NRCAM: variants seen among roughly 807,000 people sequenced by gnomAD.
NRCAM encodes NgCAM-related cell adhesion molecule.
A neutral mutation model predicts 156.5 loss-of-function variants in NRCAM; 83 were observed. The observed-to-expected ratio is 0.53, with a 90% confidence interval of 0.44 to 0.64. The LOEUF is 0.64. NRCAM is among the 30% of genes least tolerant of loss of function. The pLI is 0.00. For synonymous variants in NRCAM, 538 were observed against 563.9 expected, an observed-to-expected ratio of 0.95 and a Z score of 0.65; for missense variants, 1,417 against 1,597.3, an observed-to-expected ratio of 0.89 and a Z score of 1.92.
chr7:108,353,052 TAA>T (rs58322692), intron 2 of NRCAM, among the ~76,000 whole-genome samples: 105 of 143,686 alleles, frequency 7.3e-4, no homozygotes, highest in Middle Eastern at 3.6e-3. Context: ...GTGCTCATTG[TAA>T]AAAAAAAAAA....
At chr7:108,376,613 G>A (rs575312810) in intron 2 of NRCAM, among the ~76,000 whole-genome samples, 3 of 151,998 alleles carry the variant, frequency 2.0e-5, no homozygotes, top group Non-Finnish European at 4.4e-5. Context: ...ACCATGCTGG[G>A]GTATGCCTGC....
chr7:108,278,724 A>AT, intron 3 of NRCAM, among the ~76,000 whole-genome samples: 1 of 152,296 alleles, frequency 6.6e-6, no homozygotes, highest in Non-Finnish European at 1.5e-5. Flanking sequence ...CAGTGAGGCG[A>AT]CACCCCACCC....
intron 3 of NRCAM, among the ~76,000 whole-genome samples, chr7:108,249,710 T>C (rs1428070212): frequency 1.3e-5 from 2 of 152,242 alleles, no homozygotes. Flanking sequence ...TTCTCTGTAC[T>C]GTGAGATTTA....
chr7:108,370,168 T>A (rs1226399103), intron 2 of NRCAM, among the ~76,000 whole-genome samples: 2 of 152,158 alleles, frequency 1.3e-5, no homozygotes, highest in African/African-American at 2.4e-5. Flanking sequence ...AGAGATATGA[T>A]GTAACTGATG....
At chr7:108,235,066 T>C (rs1340045790) in intron 5 of NRCAM, among the ~76,000 whole-genome samples, 1 of 152,188 alleles carries the variant, frequency 6.6e-6, no homozygotes, top group Non-Finnish European at 1.5e-5. Flanking sequence ...TATGATAAAT[T>C]TGCATCTTTC....
At chr7:108,362,481 G>A (rs182538044) in intron 2 of NRCAM, among the ~76,000 whole-genome samples, 25 of 152,324 alleles carry the variant, frequency 1.6e-4, no homozygotes, top group African/African-American at 5.8e-4. Context: ...AAATGAATGA[G>A]CTATCAAGCC....
At chr7:108,447,219 G>A (rs1411643106) in intron 1 of NRCAM, among the ~76,000 whole-genome samples, 1 of 145,940 alleles carries the variant, frequency 6.9e-6, no homozygotes, top group Non-Finnish European at 1.5e-5. Flanking sequence ...TCTTTGATGT[G>A]AACAGTCACC....
chr7:108,257,519 A>G (rs190311036), intron 3 of NRCAM, among the ~76,000 whole-genome samples: 3 of 152,330 alleles, frequency 2.0e-5, no homozygotes, highest in Admixed American at 1.3e-4. Flanking sequence ...CAGAGTATTA[A>G]GCGATACTGA....
chr7:108,223,355 G>A (rs1473729440), intron 11 of NRCAM, among the ~76,000 whole-genome samples: 2 of 152,102 alleles, frequency 1.3e-5, no homozygotes, highest in African/African-American at 2.4e-5. Context: ...TAAATTTGAG[G>A]TGGCTGGTTA....
intron 3 of NRCAM, among the ~76,000 whole-genome samples, chr7:108,271,991 A>G (rs1392355430): frequency 6.6e-6 from 1 of 152,200 alleles, no homozygotes; most frequent in Admixed American, 6.5e-5. Context: ...CCCTCAAGTA[A>G]GACTTATGAG....
At chr7:108,418,078 G>A in intron 1 of NRCAM, among the ~76,000 whole-genome samples, 1 of 152,128 alleles carries the variant, frequency 6.6e-6, no homozygotes, top group Non-Finnish European at 1.5e-5. Flanking sequence ...GCCCACAGAA[G>A]CAACACCTGT....
chr7:108,363,645 T>A (rs1204780303), intron 2 of NRCAM, among the ~76,000 whole-genome samples: 5 of 152,194 alleles, frequency 3.3e-5, no homozygotes. Context: ...TGCAGAAACC[T>A]GATAAATACT....
In NRCAM at chr7:108,184,514, A is replaced by G. The variant is rs760091615; in HGVS notation, c.2136T>C (p.Ser712=). 1 of 1,614,042 alleles carries G rather than the reference A, an allele frequency of 6.2e-7. No individual in the cohort carries two copies. Among genetic ancestry groups the G allele is most frequent in the Non-Finnish European group, 8.5e-7 (1 of 1,180,032 alleles). ...GTQTTAQLKL[S]PYVNYSFRVM... ...CGCGGAAGGAGTAGTTCACGTAAGG[A>G]GACAGCTTCAGCTGGGCTGTGGTCT... The change falls in exon 21 of 33, where the codon TCT becomes TCC. Residue 712 remains serine, a synonymous_variant. Transcript: ENST00000379028.
intron 20 of NRCAM, among the ~76,000 whole-genome samples, chr7:108,187,909 C>T (rs398268): frequency 0.71 from 107,096 of 151,618 alleles, 39,058 homozygotes; most frequent in East Asian, 0.96. Context: ...GAGCCGAGAT[C>T]GCGCCACTGC....
At chr7:108,390,823 A>T (rs2099757294) in intron 2 of NRCAM, among the ~76,000 whole-genome samples, 1 of 152,050 alleles carries the variant, frequency 6.6e-6, no homozygotes, top group Admixed American at 6.6e-5. Context: ...TCTTCATTTC[A>T]TTATGTACCC....
At chr7:108,268,439 G>A (rs916304422) in intron 3 of NRCAM, among the ~76,000 whole-genome samples, 2 of 152,100 alleles carry the variant, frequency 1.3e-5, no homozygotes, top group Non-Finnish European at 2.9e-5. Flanking sequence ...TGCCTTGGCA[G>A]CACATAAACA....
At chr7:108,239,569 G>A (rs905069859) in intron 4 of NRCAM, among the ~76,000 whole-genome samples, 1 of 152,070 alleles carries the variant, frequency 6.6e-6, no homozygotes, top group African/African-American at 2.4e-5. Flanking sequence ...AGTGGTGAAG[G>A]GATGAGTGGG....
At chr7:108,294,220 T>TTTA in intron 3 of NRCAM, among the ~76,000 whole-genome samples, 1 of 111,736 alleles carries the variant, frequency 8.9e-6, no homozygotes, top group South Asian at 3.4e-4. Flanking sequence ...TTTTTTTTTT[T>TTTA]CCTTTTTTGA....
At chr7:108,298,580 G>A (rs1267865327) in intron 3 of NRCAM, among the ~76,000 whole-genome samples, 1 of 151,648 alleles carries the variant, frequency 6.6e-6, no homozygotes, top group African/African-American at 2.4e-5. Flanking sequence ...GTGAACCCGG[G>A]AGGCAGACCT....
Sources: allele counts gnomAD v4.1 joint callset (sites outside exome capture counted in the v4.1 genomes callset), GRCh38; gene constraint gnomAD v4.1.1; transcripts MANE v1.5; gene names NCBI Gene and HGNC (gene_info 2026-07-23, HGNC 2026-07-21).